Variants in ADGRA3 observed in about 807,000 individuals in gnomAD.
ADGRA3 encodes the protein adhesion G protein-coupled receptor A3, also known as G-protein coupled receptor 125.
ADGRA3 carries 56 observed loss-of-function variants against 119.8 expected under a neutral mutation model. The observed-to-expected ratio is 0.47, with a 90% CI of 0.38 to 0.58. The LOEUF (loss-of-function observed/expected upper bound fraction) is 0.58. ADGRA3 is among the 20% of genes least tolerant of loss of function. The probability of loss-of-function intolerance (pLI) is 0.00; values close to 1 mark genes in which losing one functional copy is unlikely to be tolerated. For missense variants in ADGRA3, 1,516 were observed against 1,649.0 expected (o/e 0.92, Z 1.40); for synonymous variants, 607 against 623.8 (o/e 0.97, Z 0.40).
At chr4:22,451,303 A>G (rs1444621778) in intron 4 of ADGRA3, among the ~76,000 whole-genome samples, 1 of 152,056 alleles carries the variant, frequency 6.6e-6, no homozygotes, top group Non-Finnish European at 1.5e-5. Context: ...TGATCTGTAG[A>G]TCTCCTGACA....
At chr4:22,394,323 A>G (rs1388771362) in intron 16 of ADGRA3, 1 of 152,200 alleles carries the variant, frequency 6.6e-6, no homozygotes, top group Non-Finnish European at 1.5e-5. Context: ...CTCCAGATAA[A>G]CCTTGCAGTG....
chr4:22,409,889 C>A (rs1007287689), intron 14 of ADGRA3, among the ~76,000 whole-genome samples: 5 of 152,072 alleles, frequency 3.3e-5, no homozygotes, highest in African/African-American at 1.2e-4. Flanking sequence ...CAGTGTGATA[C>A]GAGAGATAGG....
chr4:22,514,839 C>G (rs1231870834), intron 1 of ADGRA3, among the ~76,000 whole-genome samples: 1 of 152,090 alleles, frequency 6.6e-6, no homozygotes, highest in African/African-American at 2.4e-5. Context: ...ATCCGAAAAT[C>G]AAAAATCCCT....
At position 22,401,530 on chromosome 4, in the gene ADGRA3, G is replaced by C. The variant is rs760544324; in HGVS notation, c.2382C>G (p.Ser794Arg). ...HHSLIRISLK[S>R]WHMLVNLCFH... ...AGCACAAGTTCACAAGCATGTGCCA[G>C]CTCTTGAGGCTGATTCTAATCAAAC... Residue 794 changes from serine to arginine, a missense_variant, in exon 16 of 19, where the codon AGC becomes AGG. Ser to Arg is a moderately radical substitution (Grantham distance 110). Coordinates refer to ENST00000334304, the MANE Select transcript of ADGRA3 (RefSeq NM_145290.4). The C allele has an allele frequency of 1.2e-6, 2 of 1,606,226 alleles. No homozygotes were observed. Among genetic ancestry groups the C allele is most frequent in the Non-Finnish European group, 8.5e-7 (1 of 1,174,986 alleles).
In ADGRA3 at chr4:22,436,490, G is replaced by A. The variant is rs774236322; in HGVS notation, c.1237C>T (p.Arg413Cys). ...GGFWADDDYSRCQYANDVTRV... is the reference protein window; with the variant it reads ...GGFWADDDYSCCQYANDVTRV... Reference sequence around the variant, plus strand: ...GTGACATCATTTGCATACTGACAGCGAGAATAATCATCATCTGCCCAAAAG... The same window carrying A: ...GTGACATCATTTGCATACTGACAGCAAGAATAATCATCATCTGCCCAAAAG... Residue 413 changes from arginine to cysteine, a missense_variant, in exon 9 of 19, where the codon CGC becomes TGC. Arg to Cys is a radical substitution (Grantham distance 180). Coordinates refer to ENST00000334304, the MANE Select transcript of ADGRA3 (RefSeq NM_145290.4). 89 of 1,612,392 alleles carry A rather than the reference G, an allele frequency of 5.5e-5. 1 individual carries two copies. The Admixed American group carries it at 1.2e-3, about 22-fold the overall frequency.
intron 2 of ADGRA3, among the ~76,000 whole-genome samples, chr4:22,471,067 G>C (rs1249647764): frequency 6.6e-6 from 1 of 152,158 alleles, no homozygotes; most frequent in African/African-American, 2.4e-5. Context: ...GAAGACATAG[G>C]AGAGACGCAC....
In ADGRA3 at chr4:22,435,480, G is replaced by C; in HGVS notation, c.1288-14C>G. 6.4e-7 allele frequency: 1 copy of C among 1,566,618 alleles called. No individual in the cohort carries two copies. Among genetic ancestry groups the C allele is most frequent in the Non-Finnish European group, 8.7e-7 (1 of 1,145,818 alleles). On this transcript the variant is annotated splice_polypyrimidine_tract_variant and intron_variant, in intron 9 of 18. Coordinates refer to ENST00000334304, the MANE Select transcript of ADGRA3 (RefSeq NM_145290.4). ...ATTGAGGGGCATCTACATTTCAAAG[G>C]CAAAAATGATCAACAAAACAGTCAT...
At chr4:22,395,304 G>A (rs75238012) in intron 16 of ADGRA3, among the ~76,000 whole-genome samples, 1,546 of 152,126 alleles carry the variant, frequency 0.01, 11 homozygotes, top group Non-Finnish European at 0.016. Flanking sequence ...CAACCAATAC[G>A]CCTACAGCAG....
intron 7 of ADGRA3, 106 bp downstream of exon 7, chr4:22,442,543 CA>C: frequency 1.4e-6 from 1 of 697,928 alleles, no homozygotes; most frequent in African/African-American, 1.8e-5. Context: ...TTTTTAAATA[CA>C]AGAAGATGAA....
intron 3 of ADGRA3, among the ~76,000 whole-genome samples, chr4:22,460,436 T>C (rs1249132752): frequency 6.6e-6 from 1 of 152,142 alleles, no homozygotes; most frequent in Non-Finnish European, 1.5e-5. Context: ...AGGACAAAAG[T>C]TCCTCCCAGG....
In ADGRA3 at chr4:22,424,328, C is replaced by T. The variant is rs1715842817; in HGVS notation, c.1468G>A (p.Ala490Thr). The change falls in exon 11 of 19, where the codon GCA becomes ACA. Residue 490 changes from alanine to threonine, a missense_variant. Around this residue, in one of 2 missense-constraint regions of ADGRA3, gnomAD observed 1,088 missense variants for 1,107.1 expected, o/e 0.98. Coordinates refer to ENST00000334304, the MANE Select transcript of ADGRA3 (RefSeq NM_145290.4). ...KELGDVMVDIASNIMLADERV... is the reference protein window; with the variant it reads ...KELGDVMVDITSNIMLADERV... The stretch of plus-strand genomic sequence containing the variant: ...TCATCAGCCAACATGATGTTACTTG[C>T]AATGTCAACCATCACGTCACCTAGC... 1.9e-6 allele frequency: 3 copies of T among 1,613,462 alleles called. No homozygotes were observed. In the Admixed American group the frequency reaches 5.0e-5, roughly 27 times the overall value.
intron 1 of ADGRA3, among the ~76,000 whole-genome samples, chr4:22,509,804 A>T (rs567171341): frequency 6.6e-6 from 1 of 151,760 alleles, no homozygotes; most frequent in Non-Finnish European, 1.5e-5. Flanking sequence ...AGGTCAGGAG[A>T]TCGAGACCAT....
At chr4:22,494,535 G>C (rs893219143) in intron 1 of ADGRA3, among the ~76,000 whole-genome samples, 1 of 151,840 alleles carries the variant, frequency 6.6e-6, no homozygotes, top group Admixed American at 6.5e-5. Flanking sequence ...CTTGGGGTCT[G>C]GATTGGGACC....
intron 10 of ADGRA3, among the ~76,000 whole-genome samples, chr4:22,429,196 C>T (rs562760796): frequency 1.5e-4 from 23 of 152,070 alleles, no homozygotes; most frequent in African/African-American, 4.1e-4. Context: ...TAAAACATGC[C>T]AAAATACTGA....
chr4:22,504,748 T>C (rs1047639128), intron 1 of ADGRA3, among the ~76,000 whole-genome samples: 1 of 151,908 alleles, frequency 6.6e-6, no homozygotes, highest in Non-Finnish European at 1.5e-5. Context: ...CCTTCTTTTT[T>C]TGTGGCAGAT....
At chr4:22,429,632 A>G (rs568374486) in intron 10 of ADGRA3, among the ~76,000 whole-genome samples, 25 of 151,922 alleles carry the variant, frequency 1.6e-4, no homozygotes, top group Non-Finnish European at 2.5e-4. Flanking sequence ...GACCTGGGCA[A>G]GAGGTAGAAG....
intron 1 of ADGRA3, among the ~76,000 whole-genome samples, chr4:22,474,958 T>G (rs1717985963): frequency 6.6e-6 from 1 of 152,152 alleles, no homozygotes; most frequent in African/African-American, 2.4e-5. Flanking sequence ...ATCAGAAGAT[T>G]TTAGGTATTA....
rs763701661 is a variant in ADGRA3 at position 22,402,774 on chromosome 4, G to A, written c.2258C>T (p.Thr753Ile). ...LMDLTGSELY[T>I]QAASLLHPVV... is the part of the protein sequence containing the mutation. ...AGGATGCAGGAGGCTGGCCGCCTGG[G>A]TGTATAGTTCAGATCCCGTCAAATC... The change falls in exon 15 of 19, where the codon ACC becomes ATC. Residue 753 changes from threonine to isoleucine, a missense_variant. Thr to Ile is a moderately conservative substitution (Grantham distance 89). Coordinates refer to ENST00000334304, the MANE Select transcript of ADGRA3 (RefSeq NM_145290.4). The A allele has an allele frequency of 1.4e-5, 23 of 1,613,584 alleles. No homozygotes were observed. Among genetic ancestry groups the A allele is most frequent in the Non-Finnish European group, 1.9e-5 (22 of 1,179,712 alleles).
intron 2 of ADGRA3, among the ~76,000 whole-genome samples, chr4:22,467,694 T>G (rs1560332211): frequency 6.6e-6 from 1 of 152,218 alleles, no homozygotes; most frequent in Non-Finnish European, 1.5e-5. Flanking sequence ...TAACATTTAA[T>G]AATAGCCATA....
Sources: gnomAD v4.1 joint callset for allele counts (sites outside exome capture counted in the v4.1 genomes callset) on GRCh38, gnomAD v4.1.1 for gene constraint, gnomAD v4.1.1 regional missense constraint, MANE v1.5 for transcripts, NCBI Gene and HGNC (gene_info 2026-07-23, HGNC 2026-07-21) for gene names.